Variants in ZNF350 observed in about 807,000 individuals in gnomAD.
The protein encoded by ZNF350 is zinc finger protein 350, also known as KRAB zinc finger protein ZFQR.
A neutral mutation model predicts 13.1 loss-of-function variants in ZNF350; 5 were observed. That is an observed-to-expected ratio of 0.38 (90% confidence interval 0.20 to 0.80). The LOEUF is 0.80. Ranked by LOEUF, ZNF350 falls within the 30% of genes least tolerant of loss-of-function variation. The probability of loss-of-function intolerance (pLI) is 0.43; values close to 1 mark genes in which losing one functional copy is unlikely to be tolerated. For missense variants in ZNF350, 534 were observed against 644.2 expected, an observed-to-expected ratio of 0.83 and a Z score of 1.85; for synonymous variants, 199 against 224.2, an observed-to-expected ratio of 0.89 and a Z score of 1.00.
At chr19:51,984,689 T>C (rs1302756028) in intron 1 of ZNF350, among the ~76,000 whole-genome samples, 1 of 152,210 alleles carries the variant, frequency 6.6e-6, no homozygotes, top group Non-Finnish European at 1.5e-5. Flanking sequence ...TGGAATGTGA[T>C]AGAAAACCTA....
intron 1 of ZNF350, chr19:51,986,515 C>T (rs898147654): frequency 2.0e-5 from 3 of 152,278 alleles, no homozygotes; most frequent in African/African-American, 7.2e-5. Flanking sequence ...CATACCTTGA[C>T]AGTTAGGACA....
intron 4 of ZNF350, 184 bp downstream of exon 4, chr19:51,968,394 G>A (rs2085636142): frequency 1.1e-5 from 7 of 616,608 alleles, no homozygotes; most frequent in South Asian, 9.7e-5. Context: ...GAGATAAAGA[G>A]TTTTTGTTTT....
chr19:51,966,906 C>T (rs2085597509), intron 4 of ZNF350, among the ~76,000 whole-genome samples: 1 of 152,142 alleles, frequency 6.6e-6, no homozygotes, highest in African/African-American at 2.4e-5. Flanking sequence ...TTCAGTCTCC[C>T]AAAGTTCTGG....
chr19:51,970,564 G>C (rs1038828433), intron 2 of ZNF350, among the ~76,000 whole-genome samples: 1 of 152,050 alleles, frequency 6.6e-6, no homozygotes, highest in Admixed American at 6.6e-5. Flanking sequence ...GATATGGAGG[G>C]CCAACCATAT....
rs533004390 is a variant in ZNF350 at position 51,975,473 on chromosome 19, C to T, written c.-171-942G>A. ...AAAAACTAGTAATTGTTTTAAAGTA[C>T]GTAAGTTCCATGCCAACAAAAGGGG... On this transcript the variant is annotated intron_variant, in intron 1 of 4. Transcript: ENST00000243644. Among the ~76,000 whole-genome samples the T allele has an allele frequency of 3.8e-5, 5 of 132,354 alleles. No individual in the cohort carries two copies. The East Asian group carries it at 6.3e-4, about 17-fold the overall frequency. 86.8% of individuals were successfully genotyped at this position (132,354 alleles called of 152,430 possible). A position where few individuals can be genotyped will look rare whatever the true frequency, so the allele number is the denominator to read the frequency against.
Position 51,966,053 on chromosome 19 carries a change from T to C in ZNF350, c.400A>G (p.Lys134Glu). The change falls in exon 5 of 5, where the codon AAA (lysine) becomes GAA (glutamate). Residue 134 changes from lysine (K) to glutamate (E), a missense_variant. Physicochemically the swap from Lys to Glu is moderately conservative, Grantham distance 56. Transcript: ENST00000243644. ...QNHDIFDLRG[K>E]SLKSNLTLVN... ...AAAGTTAAATTGGATTTCAAACTTT[T>C]TCCACGTAAGTCAAATATATCATGA... 1 of 1,614,098 alleles carries C rather than the reference T, an allele frequency of 6.2e-7. No individual in the cohort carries two copies. Among genetic ancestry groups the C allele is most frequent in the Non-Finnish European group, 8.5e-7 (1 of 1,180,006 alleles).
chr19:51,966,344 T>C, intron 4 of ZNF350, 130 bp from the exon 5 acceptor site: 1 of 929,184 alleles, frequency 1.1e-6, no homozygotes, highest in Admixed American at 3.4e-5. Flanking sequence ...AGTGCAATGC[T>C]GCGATCTCAG....
intron 1 of ZNF350, among the ~76,000 whole-genome samples, chr19:51,980,474 G>A (rs2086006213): frequency 6.6e-6 from 1 of 152,160 alleles, no homozygotes; most frequent in African/African-American, 2.4e-5. Context: ...GTGGAGAACT[G>A]GACACGCACA....
chr19:51,972,381 A>G (rs1233044079), intron 2 of ZNF350, among the ~76,000 whole-genome samples: 1 of 150,886 alleles, frequency 6.6e-6, no homozygotes, highest in Admixed American at 6.6e-5. Flanking sequence ...CGCCACACAC[A>G]CACACACAAA....
At chr19:51,985,172 A>G (rs1369317471) in intron 1 of ZNF350, among the ~76,000 whole-genome samples, 1 of 152,176 alleles carries the variant, frequency 6.6e-6, no homozygotes, top group Non-Finnish European at 1.5e-5. Context: ...ATGTAGAAAA[A>G]TTAACAAAGT....
At position 51,974,378 on chromosome 19, in the gene ZNF350, A is replaced by C. The variant is rs1484174885; in HGVS notation, c.-18T>G. ...TGGATCATTTTCTTCTGTTCTTGGA[A>C]GACAGCATTCAACTGGGATGGTCTG... On this transcript the variant is annotated 5_prime_UTR_variant, in exon 2 of 5. Transcript: ENST00000243644. 1 of 1,613,776 alleles carries C rather than the reference A, an allele frequency of 6.2e-7. No individual in the cohort carries two copies. Among genetic ancestry groups the C allele is most frequent in the Non-Finnish European group, 8.5e-7 (1 of 1,179,816 alleles).
At chr19:51,972,129 A>G (rs1420700928) in intron 2 of ZNF350, among the ~76,000 whole-genome samples, 14 of 152,064 alleles carry the variant, frequency 9.2e-5, no homozygotes, top group Admixed American at 9.2e-4. Context: ...GCAAGTGGGA[A>G]TTTATAGCCA....
intron 1 of ZNF350, among the ~76,000 whole-genome samples, chr19:51,977,294 TC>T (rs2122931788): frequency 6.6e-6 from 1 of 152,354 alleles, no homozygotes; most frequent in African/African-American, 2.4e-5. Context: ...CAGAGCCCAT[TC>T]ACCTTAGGAT....
chr19:51,981,547 C>T (rs915668677), intron 1 of ZNF350, among the ~76,000 whole-genome samples: 1 of 152,076 alleles, frequency 6.6e-6, no homozygotes, highest in Non-Finnish European at 1.5e-5. Flanking sequence ...CCCGCCTCAG[C>T]CTCCCCACAT....
Position 51,965,239 on chromosome 19 carries a change from T to C in ZNF350, c.1214A>G (p.Asn405Ser), listed in dbSNP as rs2085532785. The change falls in exon 5 of 5, where the codon AAC becomes AGC. Residue 405 changes from asparagine to serine, a missense_variant. Transcript: ENST00000243644. ...ATACGCAAACGCTTTCCCACACTCG[T>C]TACAGCCATAGGGTCTCTCTCCTGT... Reference protein sequence around the residue: ...THTGERPYGCNECGKAFAYMS... With the variant: ...THTGERPYGCSECGKAFAYMS... 1 of 1,614,214 alleles carries C rather than the reference T, an allele frequency of 6.2e-7. No homozygotes were observed. The highest frequency in any genetic ancestry group is 8.5e-7 in the Non-Finnish European group (1 of 1,180,032).
intron 1 of ZNF350, among the ~76,000 whole-genome samples, chr19:51,980,456 C>T (rs1233675430): frequency 2.0e-5 from 3 of 152,196 alleles, no homozygotes; most frequent in Admixed American, 1.3e-4. Flanking sequence ...ATTCAAACAT[C>T]TCAGTAGGTG....
intron 2 of ZNF350, chr19:51,974,127 T>C: frequency 4.5e-6 from 2 of 443,414 alleles, no homozygotes; most frequent in Non-Finnish European, 8.1e-6. Flanking sequence ...CAGCCATGCA[T>C]GGTGTCACAA....
intron 1 of ZNF350, among the ~76,000 whole-genome samples, chr19:51,986,003 G>A (rs1017610016): frequency 6.6e-6 from 1 of 151,942 alleles, no homozygotes; most frequent in Non-Finnish European, 1.5e-5. Context: ...GTGAAACTCC[G>A]TCTCAAAAAA....
intron 1 of ZNF350, among the ~76,000 whole-genome samples, chr19:51,984,995 A>G (rs1242857090): frequency 6.6e-6 from 1 of 152,230 alleles, no homozygotes; most frequent in Admixed American, 6.5e-5. Context: ...ATAAATAATG[A>G]TTAATTATAT....
Sources: allele counts gnomAD v4.1 joint callset (sites outside exome capture counted in the v4.1 genomes callset), GRCh38; gene constraint gnomAD v4.1.1; transcripts MANE v1.5; gene names NCBI Gene and HGNC (gene_info 2026-07-23, HGNC 2026-07-21).